The following FBXO4 variants were observed in gnomAD, a reference collection of about 807,000 sequenced individuals.
FBXO4 encodes F-box protein 4, also known as F-box only protein 4.
Under a neutral mutation model 43.7 loss-of-function variants are expected in FBXO4, and 36 were observed. That is an observed-to-expected ratio of 0.82 (90% confidence interval 0.63 to 1.09). FBXO4 has a LOEUF of 1.09. Ranked by LOEUF, FBXO4 falls within the 50% of genes least tolerant of loss-of-function variation. FBXO4 has a pLI of 0.00. For missense variants in FBXO4, 435 were observed against 474.1 expected, an observed-to-expected ratio of 0.92 and a Z score of 0.77; for synonymous variants, 180 against 165.6, an observed-to-expected ratio of 1.09 and a Z score of -0.67.
chr5:41,950,736 T>A, the FBXO4 span, among the ~76,000 whole-genome samples: 7 of 152,216 alleles, frequency 4.6e-5, no homozygotes, highest in Admixed American at 6.5e-5. Context: ...GGATTATAAA[T>A]CATTCTACTA....
chr5:42,009,363 G>T, the FBXO4 span, among the ~76,000 whole-genome samples: 2 of 134,814 alleles, frequency 1.5e-5, no homozygotes. Context: ...CTGGGAATTG[G>T]AGTGTGTGTG....
chr5:41,929,671 G>C, intron 2 of FBXO4, 26 bp from the exon 3 acceptor site: 1 of 1,533,890 alleles, frequency 6.5e-7, no homozygotes, highest in Non-Finnish European at 8.8e-7. Context: ...CTGTGTTAAT[G>C]TTCTAATTGT....
chr5:41,996,199 AT>A, the FBXO4 span, among the ~76,000 whole-genome samples: 2 of 152,148 alleles, frequency 1.3e-5, no homozygotes, highest in Non-Finnish European at 2.9e-5. Flanking sequence ...GCCTGATCAC[AT>A]ATATACCACT....
the FBXO4 span, among the ~76,000 whole-genome samples, chr5:42,004,786 G>A: frequency 1.3e-5 from 2 of 152,206 alleles, no homozygotes; most frequent in African/African-American, 4.8e-5. Flanking sequence ...TTCTTCTGTA[G>A]AATGGGCGGT....
chr5:41,978,227 C>A, the FBXO4 span, among the ~76,000 whole-genome samples: 3 of 152,252 alleles, frequency 2.0e-5, no homozygotes, highest in Admixed American at 1.3e-4. Flanking sequence ...CTCATCACCA[C>A]TTTGTAAAAG....
chr5:42,012,108 A>G, the FBXO4 span, among the ~76,000 whole-genome samples: 33 of 152,318 alleles, frequency 2.2e-4, no homozygotes, highest in African/African-American at 7.5e-4. Flanking sequence ...TTGAGGTTCA[A>G]TATTAGTAGG....
downstream of FBXO4, among the ~76,000 whole-genome samples, chr5:41,944,839 A>T (rs1324434890): frequency 6.6e-6 from 1 of 152,228 alleles, no homozygotes; most frequent in African/African-American, 2.4e-5. Context: ...ACATAAGTTG[A>T]TGAAATGTAG....
intron 6 of FBXO4, among the ~76,000 whole-genome samples, chr5:41,939,973 C>T (rs936012512): frequency 6.6e-6 from 1 of 150,938 alleles, no homozygotes; most frequent in Non-Finnish European, 1.5e-5. Flanking sequence ...CCTCAGCCTC[C>T]CAGGTACCTG....
At chr5:42,018,070 C>T in the FBXO4 span, among the ~76,000 whole-genome samples, 8 of 151,212 alleles carry the variant, frequency 5.3e-5, no homozygotes, top group African/African-American at 1.7e-4. Flanking sequence ...AGGTATTTAT[C>T]TCTGAAATGA....
the FBXO4 span, among the ~76,000 whole-genome samples, chr5:42,003,808 A>G: frequency 6.6e-6 from 1 of 152,018 alleles, no homozygotes; most frequent in Non-Finnish European, 1.5e-5. Context: ...ATTGTGGAAG[A>G]CAGTGTGGTG....
intron 3 of FBXO4, among the ~76,000 whole-genome samples, chr5:41,932,574 A>T (rs1751720602): frequency 6.6e-6 from 1 of 152,252 alleles, no homozygotes; most frequent in Admixed American, 6.5e-5. Context: ...AGTAGGGACC[A>T]GATATTATGG....
the FBXO4 span, among the ~76,000 whole-genome samples, chr5:42,035,493 G>A: frequency 1.3e-5 from 2 of 152,196 alleles, no homozygotes; most frequent in South Asian, 2.1e-4. Context: ...TAATCTCATA[G>A]TTGCAGGTAC....
At chr5:41,957,377 G>T in the FBXO4 span, among the ~76,000 whole-genome samples, 3 of 148,724 alleles carry the variant, frequency 2.0e-5, no homozygotes, top group African/African-American at 7.3e-5. Flanking sequence ...TTATTAGCAT[G>T]CTGAATAATT....
At chr5:41,960,780 A>C in the FBXO4 span, among the ~76,000 whole-genome samples, 2 of 152,026 alleles carry the variant, frequency 1.3e-5, no homozygotes, top group Admixed American at 6.6e-5. Context: ...CTCTTTGATA[A>C]ATTTTTTATT....
Position 41,941,608 on chromosome 5 carries a change from G to A in FBXO4, c.*327G>A. 1 of 177,804 alleles carries A rather than the reference G, an allele frequency of 5.6e-6. No homozygotes were observed. Among genetic ancestry groups the A allele is most frequent in the South Asian group, 1.3e-4 (1 of 7,766 alleles). 11.0% of individuals were successfully genotyped at this position (177,804 alleles called of 1,614,324 possible). ...CATTCCCTGAGTTTCTATTCTTTTG[G>A]GTATAAAGATTGCCTTAGTGAGAAA... On this transcript the variant is annotated 3_prime_UTR_variant, in exon 7 of 7. Transcript: ENST00000281623.
the FBXO4 span, among the ~76,000 whole-genome samples, chr5:42,009,001 T>A: frequency 6.6e-6 from 1 of 152,122 alleles, no homozygotes; most frequent in Non-Finnish European, 1.5e-5. Context: ...GATTATTCTA[T>A]GTATGGTAGA....
At chr5:41,972,058 C>T in the FBXO4 span, among the ~76,000 whole-genome samples, 23 of 152,022 alleles carry the variant, frequency 1.5e-4, no homozygotes, top group Non-Finnish European at 1.0e-4. Context: ...CTCATCACCT[C>T]TATTCAACAT....
chr5:41,932,192 A>C (rs950457655), intron 3 of FBXO4, among the ~76,000 whole-genome samples: 1 of 152,224 alleles, frequency 6.6e-6, no homozygotes, highest in African/African-American at 2.4e-5. Flanking sequence ...TTTATGGCTC[A>C]CACTCAGCAA....
the FBXO4 span, among the ~76,000 whole-genome samples, chr5:41,983,934 A>G: frequency 6.6e-6 from 1 of 151,974 alleles, no homozygotes; most frequent in Non-Finnish European, 1.5e-5. Flanking sequence ...TGTAAATCTC[A>G]TTATTTGGCC....
Sources: gnomAD v4.1 joint callset for allele counts (sites outside exome capture counted in the v4.1 genomes callset) on GRCh38, gnomAD v4.1.1 for gene constraint, MANE v1.5 for transcripts, NCBI Gene and HGNC (gene_info 2026-07-23, HGNC 2026-07-21) for gene names.